Variants in ANO6 observed in about 807,000 individuals in gnomAD.
The protein encoded by ANO6 is anoctamin-6.
A neutral mutation model predicts 117.5 loss-of-function variants in ANO6; 106 were observed. The ratio of observed to expected loss-of-function variants is 0.90; its 90% confidence interval spans 0.77 to 1.06. The LOEUF is 1.06. Among genes scored for constraint, ANO6 ranks in the 50% least tolerant of loss-of-function variants. The probability of loss-of-function intolerance (pLI) is 0.00; values close to 1 mark genes in which losing one functional copy is unlikely to be tolerated. For synonymous variants in ANO6, 367 were observed against 385.1 expected (o/e 0.95, Z 0.55); for missense variants, 955 against 1,121.1 (o/e 0.85, Z 2.12).
At position 45,429,601 on chromosome 12, in the gene ANO6, C is replaced by CTTCTAAAGTAGAATGGATTCT; in HGVS notation, c.*293_*313dup. The CTTCTAAAGTAGAATGGATTCT allele has an allele frequency of 3.3e-6, 4 of 1,213,508 alleles. No individual in the cohort carries two copies. The highest frequency in any genetic ancestry group is 4.1e-6 in the Non-Finnish European group (4 of 967,250). 75.2% of individuals were successfully genotyped at this position (1,213,508 alleles called of 1,614,324 possible). ...CCCTCAGTGTGCTTAAAAACCACCC[C>CTTCTAAAGTAGAATGGATTCT]TTCTAAAGTAGAATGGATTCTTTTT... On this transcript the variant is annotated 3_prime_UTR_variant, in exon 20 of 20. Coordinates refer to ENST00000320560, the MANE Select transcript of ANO6 (RefSeq NM_001025356.3).
chr12:45,257,469 C>G (rs565246034), intron 1 of ANO6, among the ~76,000 whole-genome samples: 1 of 152,308 alleles, frequency 6.6e-6, no homozygotes, highest in South Asian at 2.1e-4. Flanking sequence ...GTTATTTCCT[C>G]CCCCACACCA....
intron 16 of ANO6, among the ~76,000 whole-genome samples, chr12:45,413,647 A>G (rs1943143189): frequency 6.6e-6 from 1 of 152,208 alleles, no homozygotes; most frequent in East Asian, 1.9e-4. Flanking sequence ...GAAAAAGAAG[A>G]GCAGAGCAGT....
At chr12:45,333,704 T>C (rs562379261) in intron 3 of ANO6, among the ~76,000 whole-genome samples, 32 of 152,182 alleles carry the variant, frequency 2.1e-4, no homozygotes, top group African/African-American at 6.7e-4. Context: ...TTTGCACATA[T>C]TACTTAATTT....
chr12:45,268,412 C>G (rs1042140620), intron 1 of ANO6, among the ~76,000 whole-genome samples: 1 of 152,076 alleles, frequency 6.6e-6, no homozygotes, highest in African/African-American at 2.4e-5. Flanking sequence ...CCCAGCTACT[C>G]GAGAGCCTGA....
chr12:45,270,529 G>A (rs1206342587), intron 1 of ANO6: 4 of 1,060,758 alleles, frequency 3.8e-6, no homozygotes, highest in Non-Finnish European at 5.4e-6. Flanking sequence ...GCCTGGGTAA[G>A]ATCCCCTTCC....
chr12:45,402,489 G>A (rs1236491998), intron 13 of ANO6, among the ~76,000 whole-genome samples: 1 of 152,116 alleles, frequency 6.6e-6, no homozygotes, highest in East Asian at 1.9e-4. Context: ...TCTCTGGCTT[G>A]TATCCCAGGC....
chr12:45,228,142 T>C (rs1260200138), intron 1 of ANO6: 1 of 362,808 alleles, frequency 2.8e-6, no homozygotes, highest in African/African-American at 2.9e-5. Flanking sequence ...TTTTTTTTTT[T>C]TGACAGGGTC....
At chr12:45,411,925 G>A (rs1345565006) in intron 16 of ANO6, among the ~76,000 whole-genome samples, 1 of 151,984 alleles carries the variant, frequency 6.6e-6, no homozygotes, top group Non-Finnish European at 1.5e-5. Flanking sequence ...GCCAGTGCCT[G>A]GAACCTTATA....
intron 1 of ANO6, among the ~76,000 whole-genome samples, chr12:45,272,445 T>C (rs925891726): frequency 6.6e-6 from 1 of 152,210 alleles, no homozygotes; most frequent in Non-Finnish European, 1.5e-5. Context: ...TTTTTACATT[T>C]ACCTGTTCAC....
At chr12:45,216,453 G>A in intron 1 of ANO6, 62 bp downstream of exon 1, 2 of 1,564,014 alleles carry the variant, frequency 1.3e-6, no homozygotes, top group Non-Finnish European at 1.7e-6. Flanking sequence ...AGAAGTTCGG[G>A]GACTGCGCGG....
chr12:45,372,126 A>C (rs1289438627), intron 9 of ANO6, among the ~76,000 whole-genome samples: 10 of 152,208 alleles, frequency 6.6e-5, no homozygotes, highest in Non-Finnish European at 1.2e-4. Flanking sequence ...GGAAGATGAA[A>C]TGAATGAAAT....
intron 1 of ANO6, among the ~76,000 whole-genome samples, chr12:45,282,445 C>A (rs559709110): frequency 1.6e-4 from 24 of 152,256 alleles, no homozygotes; most frequent in African/African-American, 5.8e-4. Context: ...AAATGGAAGA[C>A]CCTCTAAGAG....
chr12:45,403,246 G>A lies in ANO6; in HGVS notation c.1782+5G>A. Reference sequence around the variant, plus strand: ...GGAAAATACAGAAATGAAGAGGTATGAATATATAATTGTATTATCTTGCCA... The same window carrying A: ...GGAAAATACAGAAATGAAGAGGTATAAATATATAATTGTATTATCTTGCCA... On this transcript the variant is annotated splice_donor_5th_base_variant and intron_variant, in intron 14 of 19. Coordinates refer to ENST00000320560, the MANE Select transcript of ANO6 (RefSeq NM_001025356.3). The A allele has an allele frequency of 6.2e-7, 1 of 1,613,412 alleles. No individual in the cohort carries two copies. The highest frequency in any genetic ancestry group is 8.5e-7 in the Non-Finnish European group (1 of 1,179,580).
Position 45,390,508 on chromosome 12 carries a change from T to C in ANO6, c.1386+10T>C. 1.2e-6 allele frequency: 2 copies of C among 1,610,276 alleles called. No individual in the cohort carries two copies. Among genetic ancestry groups the C allele is most frequent in the Non-Finnish European group, 8.5e-7 (1 of 1,176,838 alleles). ...TGCTGTCTTTTTCTGGGTAATTCTA[T>C]CACAAAAATGTTTTGAATGATTAAA... On this transcript the variant is annotated intron_variant, in intron 12 of 19. Coordinates refer to ENST00000320560, the MANE Select transcript of ANO6 (RefSeq NM_001025356.3).
downstream of ANO6, among the ~76,000 whole-genome samples, chr12:45,433,043 C>A (rs1943665767): frequency 1.3e-5 from 2 of 152,170 alleles, no homozygotes; most frequent in Non-Finnish European, 2.9e-5. Flanking sequence ...TAACAATTGG[C>A]CCAATATGAC....
intron 12 of ANO6, among the ~76,000 whole-genome samples, chr12:45,396,820 G>A (rs1289177719): frequency 2.0e-5 from 3 of 152,070 alleles, no homozygotes; most frequent in African/African-American, 7.2e-5. Context: ...CTTACACCTT[G>A]TACAAAAATT....
At chr12:45,237,018 A>G (rs1487184847) in intron 1 of ANO6, among the ~76,000 whole-genome samples, 1 of 152,152 alleles carries the variant, frequency 6.6e-6, no homozygotes, top group East Asian at 1.9e-4. Context: ...TTGGCTGCAT[A>G]AATGTCTTCT....
intron 17 of ANO6, among the ~76,000 whole-genome samples, chr12:45,419,259 A>G (rs1383093997): frequency 6.6e-6 from 1 of 152,234 alleles, no homozygotes; most frequent in African/African-American, 2.4e-5. Context: ...CATGTCTCTC[A>G]GAGCAGCTCA....
intron 1 of ANO6, among the ~76,000 whole-genome samples, chr12:45,286,873 T>A (rs151209679): frequency 6.6e-6 from 1 of 152,326 alleles, no homozygotes; most frequent in Admixed American, 6.5e-5. Flanking sequence ...ATAGGAAGGT[T>A]GAATGATCTA....
Sources: gnomAD v4.1 joint callset for allele counts (sites outside exome capture counted in the v4.1 genomes callset) on GRCh38, gnomAD v4.1.1 for gene constraint, MANE v1.5 for transcripts, NCBI Gene and HGNC (gene_info 2026-07-23, HGNC 2026-07-21) for gene names.